The following SPATA31C2 variants were observed in gnomAD, a reference collection of about 807,000 sequenced individuals.
The protein encoded by SPATA31C2 is spermatogenesis-associated protein 31C2.
SPATA31C2 carries 5 observed loss-of-function variants against 11.4 expected under a neutral mutation model. The observed-to-expected ratio is 0.44, with a 90% CI of 0.23 to 0.92. The LOEUF (loss-of-function observed/expected upper bound fraction) is 0.92. SPATA31C2 is among the 40% of genes least tolerant of loss of function. SPATA31C2 has a pLI of 0.24. For synonymous variants in SPATA31C2, 515 were observed against 538.7 expected (o/e 0.96, Z 0.61); for missense variants, 1,353 against 1,368.6 (o/e 0.99, Z 0.18).
rs779074164 is a variant in SPATA31C2 at position 88,131,774 on chromosome 9, G to A, written c.1263C>T (p.Asp421=). 5.0e-6 allele frequency: 8 copies of A among 1,611,796 alleles called. No homozygotes were observed. In the East Asian group the frequency reaches 8.9e-5, roughly 18 times the overall value. The change falls in exon 4 of 4, where the codon GAC becomes GAT. Residue 421 remains aspartate (D), a synonymous_variant. Transcript: ENST00000324915. Reference sequence around the variant, plus strand: ...GGTTAGGAGTGGAGACACTAAAGACGTCCTGAGATTTTTGGACCCTAGAGG... The same window carrying A: ...GGTTAGGAGTGGAGACACTAAAGACATCCTGAGATTTTTGGACCCTAGAGG... ...ALPSRVQKSQ[D]VFSVSTPNLP... is the part of the protein sequence containing the mutation.
rs1207003447 is a variant in SPATA31C2, at chr9:88,131,620, G to C, written c.1417C>G (p.Gln473Glu). Reference sequence around the variant, plus strand: ...TGACTTGTCCCTGGCAATTCATCCTGAAGCTGCATCAGATCCAGAGACTCT... The same window carrying C: ...TGACTTGTCCCTGGCAATTCATCCTCAAGCTGCATCAGATCCAGAGACTCT... ...IQESLDLMQL[Q>E]DELPGTSQAK... Residue 473 changes from glutamine to glutamate, a missense_variant, in exon 4 of 4, where the codon CAG (glutamine) becomes GAG (glutamate). Gln to Glu is a conservative substitution (Grantham distance 29). This residue lies in a region of SPATA31C2 where 1,075 missense variants were observed against 992.8 expected (regional missense o/e 1.08). Transcript: ENST00000324915. 6 of 1,611,980 alleles carry C rather than the reference G, an allele frequency of 3.7e-6. No homozygotes were observed. In the South Asian group the frequency reaches 6.6e-5, roughly 18 times the overall value.
rs1248697049 is a variant in SPATA31C2 at position 88,130,295 on chromosome 9, A to G, written c.2742T>C (p.Ala914=). 1 of 1,609,142 alleles carries G rather than the reference A, an allele frequency of 6.2e-7. No homozygotes were observed. Among genetic ancestry groups the G allele is most frequent in the Admixed American group, 1.7e-5 (1 of 59,172 alleles). ...LQSMPTGNMQ[A]SQELCDLMSA... is the part of the protein sequence containing the mutation. ...ACATGAGGTCACATAGCTCCTGGGA[A>G]GCCTGCATGTTCCCAGTAGGCATGC... Residue 914 remains alanine, a synonymous_variant, in exon 4 of 4, where the codon GCT becomes GCC. Transcript: ENST00000324915.
At position 88,131,354 on chromosome 9, in the gene SPATA31C2, A is replaced by T. The variant is rs1044634797; in HGVS notation, c.1683T>A (p.Ser561Arg). The change falls in exon 4 of 4, where the codon AGT becomes AGA. Residue 561 changes from serine to arginine, a missense_variant. By Grantham distance (110) the Ser-to-Arg change is moderately radical (BLOSUM62 -1). Transcript: ENST00000324915. ...LRKPLRSDSG[S>R]DLLRRTERNH... is the part of the protein sequence containing the mutation. ...TCCTCTCTGTGCGTCTTAATAAATC[A>T]CTTCCTGAGTCACTCCTCAAGGGCT... 1 of 1,611,844 alleles carries T rather than the reference A, an allele frequency of 6.2e-7. No individual in the cohort carries two copies. Among genetic ancestry groups the T allele is most frequent in the Admixed American group, 1.7e-5 (1 of 59,994 alleles).
rs146335072 is a variant in SPATA31C2, at chr9:88,132,335, G to A, written c.702C>T (p.Pro234=). The A allele has an allele frequency of 7.5e-3, 12,138 of 1,611,014 alleles. 466 individuals are homozygous for A. In the Admixed American group the frequency reaches 0.1, roughly 14 times the overall value. ...GTGTTAACAGAGTGGAGTCCCGCAG[G>A]GGAGGAGGAGTGAAGCCTTTCGGAG... ...PPPPKGFTPP[P]LRDSTLLTPS... Residue 234 remains proline, a synonymous_variant, in exon 4 of 4, where the codon CCC becomes CCT. Transcript: ENST00000324915.
Position 88,132,039 on chromosome 9 carries a change from G to C in SPATA31C2, c.998C>G (p.Ser333Cys), listed in dbSNP as rs1325046849. ...GGGTGTGGATGAAATAAAGGGTTGG[G>C]ACTCAGGCTCCAGATGGGACAGGGG... Reference protein sequence around the residue: ...AQPLSHLEPESQPFISSTPQF... With the variant: ...AQPLSHLEPECQPFISSTPQF... Residue 333 changes from serine (S) to cysteine (C), a missense_variant, in exon 4 of 4, where the codon TCC becomes TGC. Coordinates refer to ENST00000324915, the MANE Select transcript of SPATA31C2 (RefSeq NM_001350978.3). 3.1e-6 allele frequency: 5 copies of C among 1,610,800 alleles called. No individual in the cohort carries two copies. The Admixed American group carries it at 8.4e-5, about 27-fold the overall frequency.
intron 1 of SPATA31C2, among the ~76,000 whole-genome samples, chr9:88,137,913 C>T (rs1237170963): frequency 9.7e-6 from 1 of 103,360 alleles, no homozygotes; most frequent in African/African-American, 6.9e-5. Flanking sequence ...GGCCTGGCCT[C>T]GGACAGAGAC....
In SPATA31C2 at chr9:88,137,795, C is replaced by T. The variant is rs1490023244; in HGVS notation, c.189+463G>A. Among the ~76,000 whole-genome samples, 136 of 74,434 alleles carry T rather than the reference C, an allele frequency of 1.8e-3. 2 individuals are homozygous for T. Among genetic ancestry groups the T allele is most frequent in the African/African-American group, 0.01 (110 of 10,670 alleles). The allele number at this position is 74,434 out of a possible 152,430, so 48.8% of individuals were successfully genotyped here. A position where few individuals can be genotyped will look rare whatever the true frequency, so the allele number is the denominator to read the frequency against. On this transcript the variant is annotated intron_variant, in intron 1 of 3. Coordinates refer to ENST00000324915, the MANE Select transcript of SPATA31C2 (RefSeq NM_001350978.3). ...GGAGACCAGAGGAGATGCCAGGCCC[C>T]GGTGGGAGGCCCTCGGGGGCCCAGC...
Position 88,137,362 on chromosome 9 carries a change from T to C in SPATA31C2, c.189+896A>G, listed in dbSNP as rs545041937. ...AGGATCAGCCGGGCGCGGTGGCTCA[T>C]GCCTGTAATCCCAGCACTTTGGGAG... On this transcript the variant is annotated intron_variant, in intron 1 of 3. Transcript: ENST00000324915. Among the ~76,000 whole-genome samples, 9 of 145,746 alleles carry C rather than the reference T, an allele frequency of 6.2e-5. 1 individual carries two copies. The highest frequency in any genetic ancestry group is 4.4e-4 in the Admixed American group (6 of 13,584).
In SPATA31C2 at chr9:88,132,272, G is replaced by A. The variant is rs781453623; in HGVS notation, c.765C>T (p.Thr255=). The A allele has an allele frequency of 1.5e-5, 24 of 1,610,680 alleles. No individual in the cohort carries two copies. Among genetic ancestry groups the A allele is most frequent in the Non-Finnish European group, 1.4e-5 (16 of 1,177,746 alleles). Residue 255 remains threonine, a synonymous_variant, in exon 4 of 4, where the codon ACC becomes ACT. Coordinates refer to ENST00000324915, the MANE Select transcript of SPATA31C2 (RefSeq NM_001350978.3). ...HCDSVALPLD[T]VPQSLSPRED... is the part of the protein sequence containing the mutation. ...CACGTGGAGACAAGCTTTGAGGGAC[G>A]GTGTCCAGTGGAAGTGCCACTGAGT...
Position 88,133,649 on chromosome 9 carries a change from A to C in SPATA31C2, c.210T>G (p.Arg70=). 1 of 1,596,372 alleles carries C rather than the reference A, an allele frequency of 6.3e-7. No homozygotes were observed. The highest frequency in any genetic ancestry group is 8.6e-7 in the Non-Finnish European group (1 of 1,166,078). The stretch of plus-strand genomic sequence containing the variant: ...TGGGCCTCCCCCTCCGCCCTGCTGG[A>C]CGCTGGGAGACAAGATGACGCTGGG... ...RKRKRHLVSQ[R]PAGRRGRPRG... Residue 70 remains arginine (R), a synonymous_variant, in exon 2 of 4, where the codon CGT becomes CGG. Coordinates refer to ENST00000324915, the MANE Select transcript of SPATA31C2 (RefSeq NM_001350978.3).
In SPATA31C2 at chr9:88,133,672, G is replaced by A. The variant is rs1356639815; in HGVS notation, c.190-3C>T. 5.0e-6 allele frequency: 8 copies of A among 1,599,712 alleles called. No homozygotes were observed. The highest frequency in any genetic ancestry group is 6.0e-6 in the Non-Finnish European group (7 of 1,169,300). ...GGACGCTGGGAGACAAGATGACGCT[G>A]GGAGACAAGAAATGGCGAGGAGCTA... On this transcript the variant is annotated splice_region_variant and splice_polypyrimidine_tract_variant and intron_variant, in intron 1 of 3. Coordinates refer to ENST00000324915, the MANE Select transcript of SPATA31C2 (RefSeq NM_001350978.3).
At chr9:88,135,492 A>G (rs1825667666) in intron 1 of SPATA31C2, among the ~76,000 whole-genome samples, 1 of 118,904 alleles carries the variant, frequency 8.4e-6, no homozygotes, top group Non-Finnish European at 1.6e-5. Flanking sequence ...AATTATTTCT[A>G]TCTCACTTTC....
chr9:88,137,319 T>G (rs1398979442), intron 1 of SPATA31C2, among the ~76,000 whole-genome samples: 1 of 139,664 alleles, frequency 7.2e-6, no homozygotes, highest in Non-Finnish European at 1.5e-5. Context: ...TAACCTCATG[T>G]CTTTATTAAA....
At position 88,131,609 on chromosome 9, in the gene SPATA31C2, C is replaced by A. The variant is rs781549411; in HGVS notation, c.1428G>T (p.Leu476Phe). 1.8e-5 allele frequency: 29 copies of A among 1,611,748 alleles called. No homozygotes were observed. In the East Asian group the frequency reaches 3.3e-4, roughly 19 times the overall value. ...SLDLMQLQDE[L>F]PGTSQAKGKP... ...TGCCCTTGGCCTGACTTGTCCCTGGCAATTCATCCTGAAGCTGCATCAGAT... is the reference window on the plus strand; with the variant it reads ...TGCCCTTGGCCTGACTTGTCCCTGGAAATTCATCCTGAAGCTGCATCAGAT... Residue 476 changes from leucine (L) to phenylalanine (F), a missense_variant, in exon 4 of 4, where the codon TTG becomes TTT. Coordinates refer to ENST00000324915, the MANE Select transcript of SPATA31C2 (RefSeq NM_001350978.3).
intron 1 of SPATA31C2, among the ~76,000 whole-genome samples, chr9:88,134,028 C>T: frequency 6.6e-6 from 1 of 151,170 alleles, no homozygotes. Flanking sequence ...GTGGCGGGCG[C>T]CTGTAATCCC....
In SPATA31C2 at chr9:88,132,453, G is replaced by A. The variant is rs2118713660; in HGVS notation, c.584C>T (p.Pro195Leu). 2 of 1,611,332 alleles carry A rather than the reference G, an allele frequency of 1.2e-6. No homozygotes were observed. The highest frequency in any genetic ancestry group is 1.7e-6 in the Non-Finnish European group (2 of 1,178,144). ...TGAGGGATGTTCTAGGAGAAGGGAA[G>A]GTTCTGGTGGCTGGGAGGCACTTAG... is the stretch of plus-strand genomic sequence containing the variant. ...SSLSASQPPE[P>L]SLLLEHPSPE... is the part of the protein sequence containing the mutation. Residue 195 changes from proline (P) to leucine (L), a missense_variant, in exon 4 of 4, where the codon CCT becomes CTT. Around this residue, in one of 6 missense-constraint regions of SPATA31C2, gnomAD observed 1,075 missense variants for 992.8 expected, o/e 1.08. Coordinates refer to ENST00000324915, the MANE Select transcript of SPATA31C2 (RefSeq NM_001350978.3).
rs1425852285 is a variant in SPATA31C2, at chr9:88,137,297, A to G, written c.189+961T>C. On this transcript the variant is annotated intron_variant, in intron 1 of 3. Transcript: ENST00000324915. The stretch of plus-strand genomic sequence containing the variant: ...GCAGTTAGATACCATAGACAAAACA[A>G]TAACCTCAATCTAACCTCATGTCTT... Among the ~76,000 whole-genome samples, 7 of 147,656 alleles carry G rather than the reference A, an allele frequency of 4.7e-5. 1 individual carries two copies. The highest frequency in any genetic ancestry group is 1.5e-4 in the African/African-American group (6 of 40,016).
chr9:88,137,312 C>T (rs1432926606), intron 1 of SPATA31C2, among the ~76,000 whole-genome samples: 4 of 144,946 alleles, frequency 2.8e-5, no homozygotes, highest in African/African-American at 5.1e-5. Flanking sequence ...CTCAATCTAA[C>T]CTCATGTCTT....
In SPATA31C2 at chr9:88,130,501, G is replaced by T. The variant is rs745862274; in HGVS notation, c.2536C>A (p.Pro846Thr). The T allele has an allele frequency of 2.5e-5, 40 of 1,613,322 alleles. No individual in the cohort carries two copies. The South Asian group carries it at 3.7e-4, about 15-fold the overall frequency. ...LLPRMSVSQD[P>T]RKLCLMEEAV... ...TCCTCCATGAGACACAGCTTTCTTG[G>T]GTCTTGGGAGACAGACATTCTAGGG... Residue 846 changes from proline to threonine, a missense_variant, in exon 4 of 4, where the codon CCA becomes ACA. Pro to Thr is a conservative substitution (Grantham distance 38, BLOSUM62 -1). This residue lies in a region of SPATA31C2 where 1,075 missense variants were observed against 992.8 expected (regional missense o/e 1.08). Transcript: ENST00000324915.
Sources: allele counts gnomAD v4.1 joint callset (sites outside exome capture counted in the v4.1 genomes callset), GRCh38; gene constraint gnomAD v4.1.1; regional missense constraint gnomAD v4.1.1; transcripts MANE v1.5; gene names NCBI Gene and HGNC (gene_info 2026-07-23, HGNC 2026-07-21).